The following SLC25A26 variants were observed in gnomAD, a reference collection of about 807,000 sequenced individuals.
The protein encoded by SLC25A26 is mitochondrial S-adenosylmethionine carrier protein.
SLC25A26 carries 36 observed loss-of-function variants against 37.8 expected under a neutral mutation model. That is an observed-to-expected ratio of 0.95 (90% CI 0.73 to 1.26). The LOEUF is 1.26. SLC25A26 is among the 50% of genes most tolerant of loss of function. SLC25A26 has a pLI of 0.00. For missense variants in SLC25A26, 390 were observed against 331.1 expected (o/e 1.18, Z -1.38); for synonymous variants, 129 against 122.5 (o/e 1.05, Z -0.35).
chr3:66,358,997 T>C (rs1450429588), intron 6 of SLC25A26, among the ~76,000 whole-genome samples: 9 of 152,250 alleles, frequency 5.9e-5, no homozygotes, highest in Admixed American at 5.9e-4. Context: ...TTAAACGTTT[T>C]GGGTCTTCTA....
intron 9 of SLC25A26, among the ~76,000 whole-genome samples, chr3:66,375,632 A>T (rs1700603612): frequency 6.6e-6 from 1 of 152,298 alleles, no homozygotes; most frequent in Non-Finnish European, 1.5e-5. Context: ...GCGACAGCAC[A>T]TCTCTTTACA....
chr3:66,184,605 A>ATGTATTACATGCTCACCTTGAGTTTACTC (rs2070785707), intron 1 of SLC25A26, among the ~76,000 whole-genome samples: 1 of 148,986 alleles, frequency 6.7e-6, no homozygotes, highest in Admixed American at 6.7e-5. Flanking sequence ...TGAGTTTACT[A>ATGTATTACATGCTCACCTTGAGTTTACTC]TGTATTACAT....
At chr3:66,149,973 G>A (rs2070175763) in intron 1 of SLC25A26, among the ~76,000 whole-genome samples, 1 of 152,162 alleles carries the variant, frequency 6.6e-6, no homozygotes, top group Non-Finnish European at 1.5e-5. Context: ...AAAGATTAGG[G>A]AAGGTGCTGC....
intron 5 of SLC25A26, among the ~76,000 whole-genome samples, chr3:66,318,331 C>T (rs1445597996): frequency 1.3e-5 from 2 of 152,190 alleles, no homozygotes; most frequent in Non-Finnish European, 2.9e-5. Flanking sequence ...ACCTGCTGAT[C>T]TGTGGATTGC....
chr3:66,319,438 A>G (rs959968236), intron 5 of SLC25A26, among the ~76,000 whole-genome samples: 3 of 152,034 alleles, frequency 2.0e-5, no homozygotes, highest in African/African-American at 7.2e-5. Context: ...GCGCGCTTTT[A>G]TTAGGAGGTT....
intron 7 of SLC25A26, among the ~76,000 whole-genome samples, chr3:66,369,050 CAAA>C (rs962307090): frequency 5.3e-5 from 1 of 18,718 alleles, no homozygotes; most frequent in Non-Finnish European, 1.0e-4. Flanking sequence ...AAAACAAAAA[CAAA>C]AAAAAAAAAC....
chr3:66,147,455 G>A (rs1365005710), intron 1 of SLC25A26, among the ~76,000 whole-genome samples: 1 of 151,912 alleles, frequency 6.6e-6, no homozygotes, highest in East Asian at 2.0e-4. Context: ...GAGGCACCAT[G>A]CTCAACCCAC....
At chr3:66,376,961 AATC>A (rs1401645986) in intron 9 of SLC25A26, among the ~76,000 whole-genome samples, 11 of 152,328 alleles carry the variant, frequency 7.2e-5, no homozygotes, top group Admixed American at 2.6e-4. Context: ...TCAGCTACAT[AATC>A]ATCCACTGTA....
Position 66,344,679 on chromosome 3 carries a change from G to T in SLC25A26, c.454-1685G>T, listed in dbSNP as rs983419776. Among the ~76,000 whole-genome samples, 3 of 152,230 alleles carry T rather than the reference G, an allele frequency of 2.0e-5. No homozygotes were observed. The East Asian group carries it at 5.8e-4, about 29-fold the overall frequency. On this transcript the variant is annotated intron_variant, in intron 5 of 9. Transcript: ENST00000354883. ...CGTGGGCATCGCCACCACCAGCACTGGTCCCCTGGGCTGTGACTGGACATT... is the reference window on the plus strand; with the variant it reads ...CGTGGGCATCGCCACCACCAGCACTTGTCCCCTGGGCTGTGACTGGACATT...
chr3:66,139,191 C>G (rs191384998), intron 1 of SLC25A26, among the ~76,000 whole-genome samples: 1 of 152,184 alleles, frequency 6.6e-6, no homozygotes, highest in African/African-American at 2.4e-5. Flanking sequence ...TTCTGTGCCA[C>G]CCCGCCCACC....
intron 3 of SLC25A26, among the ~76,000 whole-genome samples, chr3:66,248,209 A>G (rs2072934232): frequency 6.6e-6 from 1 of 152,250 alleles, no homozygotes; most frequent in Non-Finnish European, 1.5e-5. Flanking sequence ...TTAATGATGA[A>G]TCAGTGAAAC....
At chr3:66,182,937 G>C (rs142328951) in intron 1 of SLC25A26, among the ~76,000 whole-genome samples, 339 of 152,266 alleles carry the variant, frequency 2.2e-3, no homozygotes, top group African/African-American at 7.4e-3. Flanking sequence ...GGGTTCTTCA[G>C]GTCGGTCTTT....
chr3:66,298,178 T>C (rs996178641), intron 5 of SLC25A26, among the ~76,000 whole-genome samples: 1 of 152,204 alleles, frequency 6.6e-6, no homozygotes, highest in African/African-American at 2.4e-5. Context: ...TGAGAACCAC[T>C]GGACTAGGTG....
intron 6 of SLC25A26, among the ~76,000 whole-genome samples, chr3:66,348,708 CAAG>C: frequency 6.6e-6 from 1 of 152,266 alleles, no homozygotes. Context: ...TGTTAAGTAT[CAAG>C]AAGTATTTCT....
intron 5 of SLC25A26, among the ~76,000 whole-genome samples, chr3:66,331,073 C>G (rs1409335432): frequency 2.6e-5 from 4 of 151,858 alleles, no homozygotes; most frequent in African/African-American, 9.7e-5. Flanking sequence ...ATTTAAAGTG[C>G]TTATTAATTA....
intron 5 of SLC25A26, among the ~76,000 whole-genome samples, chr3:66,277,930 A>G (rs1299234121): frequency 1.3e-5 from 2 of 152,164 alleles, no homozygotes; most frequent in Non-Finnish European, 2.9e-5. Flanking sequence ...TGTCAAAGTT[A>G]TGATAAAGAA....
intron 3 of SLC25A26, among the ~76,000 whole-genome samples, chr3:66,253,183 G>A (rs1366879464): frequency 2.6e-5 from 4 of 151,952 alleles, no homozygotes; most frequent in South Asian, 2.1e-4. Context: ...TAAGGCGGGC[G>A]GATCGTGAGG....
chr3:66,228,403 A>G (rs144477087), intron 1 of SLC25A26, among the ~76,000 whole-genome samples: 125,605 of 152,262 alleles, frequency 0.82, 52,643 homozygotes, highest in Middle Eastern at 0.92. Context: ...CTACTACTAC[A>G]TGTTGAAAGT....
intron 1 of SLC25A26, among the ~76,000 whole-genome samples, chr3:66,164,498 T>C (rs1576605929): frequency 6.6e-6 from 1 of 152,098 alleles, no homozygotes; most frequent in African/African-American, 2.4e-5. Flanking sequence ...CAATGCCCAA[T>C]AGGCTTTCTC....
Sources: allele counts gnomAD v4.1 joint callset (sites outside exome capture counted in the v4.1 genomes callset), GRCh38; gene constraint gnomAD v4.1.1; transcripts MANE v1.5; gene names NCBI Gene and HGNC (gene_info 2026-07-23, HGNC 2026-07-21).